The following DYSF variants were observed in gnomAD, a reference collection of about 807,000 sequenced individuals.
DYSF encodes dystrophy-associated fer-1-like 1.
Under a neutral mutation model 274.9 loss-of-function variants are expected in DYSF, and 212 were observed. The ratio of observed to expected loss-of-function variants is 0.77; its 90% CI spans 0.69 to 0.86. The LOEUF is 0.86. Among genes scored for constraint, DYSF ranks in the 40% least tolerant of loss-of-function variants. The pLI is 0.00. For synonymous variants in DYSF, 1,091 were observed against 1,078.7 expected, an observed-to-expected ratio of 1.01 and a Z score of -0.22; for missense variants, 2,666 against 2,783.2, an observed-to-expected ratio of 0.96 and a Z score of 0.95.
At chr2:71,632,561 A>T (rs1461411072) in intron 41 of DYSF, among the ~76,000 whole-genome samples, 1 of 152,196 alleles carries the variant, frequency 6.6e-6, no homozygotes, top group African/African-American at 2.4e-5. Flanking sequence ...TGTTAAGCAA[A>T]ATTGTCTACA....
At chr2:71,474,769 G>T (rs558196081) in intron 1 of DYSF, among the ~76,000 whole-genome samples, 1 of 152,334 alleles carries the variant, frequency 6.6e-6, no homozygotes, top group South Asian at 2.1e-4. Context: ...AAGGTAGGAA[G>T]TGGAAAATGA....
Position 71,516,308 on chromosome 2 carries a change from G to A in DYSF, c.951+66G>A, listed in dbSNP as rs531410325. On this transcript the variant is annotated intron_variant, in intron 9 of 55. Coordinates refer to ENST00000410020, the MANE Select transcript of DYSF (RefSeq NM_001130987.2). ...TATGCACATAGGTGTCAGTGCACAC[G>A]CGTGTGTGTTTGTGCACGTGTGTGC... The A allele has an allele frequency of 2.1e-4, 313 of 1,482,752 alleles. 1 individual carries two copies. The South Asian group carries it at 3.1e-3, about 15-fold the overall frequency. The allele number at this position is 1,482,752 out of a possible 1,614,324, so 91.8% of individuals were successfully genotyped here. A position where few individuals can be genotyped will look rare whatever the true frequency, so the allele number is the denominator to read the frequency against.
At chr2:71,473,918 ATTTTTTT>A (rs10659171) in intron 1 of DYSF, among the ~76,000 whole-genome samples, 53 of 83,812 alleles carry the variant, frequency 6.3e-4, no homozygotes, top group Middle Eastern at 7.5e-3. Flanking sequence ...TTTCTGTATG[ATTTTTTT>A]TTTTTTTTTT....
chr2:71,457,685 C>G (rs187138178), intron 1 of DYSF, among the ~76,000 whole-genome samples: 1 of 152,328 alleles, frequency 6.6e-6, no homozygotes, highest in Admixed American at 6.5e-5. Flanking sequence ...GCCTCACCCT[C>G]TCTATATCTG....
chr2:71,601,561 C>T (rs1323138890), intron 35 of DYSF, 33 bp downstream of exon 35: 1 of 1,613,792 alleles, frequency 6.2e-7, no homozygotes, highest in African/African-American at 1.3e-5. Flanking sequence ...CTTCTTCAAA[C>T]TGATTGCCAG....
chr2:71,453,909 C>T, exon 1 of DYSF: 1 of 1,305,912 alleles, frequency 7.7e-7, no homozygotes, highest in South Asian at 1.2e-5. Flanking sequence ...CCCTCTCCAG[C>T]GAGGGGACCC....
At chr2:71,467,045 T>C in intron 1 of DYSF, 112 bp downstream of exon 1, 1 of 1,416,846 alleles carries the variant, frequency 7.1e-7, no homozygotes, top group Non-Finnish European at 9.5e-7. Flanking sequence ...GGCCACAGTT[T>C]CTCCCTTTGT....
chr2:71,658,994 C>T lies in DYSF; in HGVS notation c.4872C>T (p.Val1624=). The change falls in exon 44 of 56, where the codon GTC becomes GTT. Residue 1624 remains valine (V), a synonymous_variant. Coordinates refer to ENST00000410020, the MANE Select transcript of DYSF (RefSeq NM_001130987.2). ...PQECLVRIYI[V]RAFGLQPKDP... Reference sequence around the variant, plus strand: ...AGTGCTTGGTCCGTATCTACATTGTCCGAGCATTTGGCCTGCAGCCCAAGG... The same window carrying T: ...AGTGCTTGGTCCGTATCTACATTGTTCGAGCATTTGGCCTGCAGCCCAAGG... 1 of 1,614,188 alleles carries T rather than the reference C, an allele frequency of 6.2e-7. No homozygotes were observed. The highest frequency in any genetic ancestry group is 1.1e-5 in the South Asian group (1 of 91,078).
intron 3 of DYSF, among the ~76,000 whole-genome samples, chr2:71,483,841 T>C (rs1451679203): frequency 6.6e-6 from 1 of 151,982 alleles, no homozygotes; most frequent in African/African-American, 2.4e-5. Context: ...CTGAGCCCCA[T>C]GTGCCTCTCG....
At position 71,589,645 on chromosome 2, in the gene DYSF, G is replaced by A. The variant is rs990609369; in HGVS notation, c.3455G>A (p.Ser1152Asn). The A allele has an allele frequency of 1.2e-6, 2 of 1,614,150 alleles. No homozygotes were observed. Among genetic ancestry groups the A allele is most frequent in the Admixed American group, 1.7e-5 (1 of 60,026 alleles). The change falls in exon 31 of 56, where the codon AGC (serine) becomes AAC (asparagine). Residue 1152 changes from serine (S) to asparagine (N), a missense_variant. Coordinates refer to ENST00000410020, the MANE Select transcript of DYSF (RefSeq NM_001130987.2). Reference sequence around the variant, plus strand: ...GATTCCATGTCCGTCTCCACCTTGAGCTTCGGTGTGAACAGACCCACGATT... The same window carrying A: ...GATTCCATGTCCGTCTCCACCTTGAACTTCGGTGTGAACAGACCCACGATT... ...SEDSMSVSTL[S>N]FGVNRPTISC...
chr2:71,506,086 C>G (rs2085444222), intron 4 of DYSF, among the ~76,000 whole-genome samples: 1 of 152,184 alleles, frequency 6.6e-6, no homozygotes, highest in Non-Finnish European at 1.5e-5. Context: ...ACATATCAGG[C>G]CTGTCTTGTC....
At chr2:71,589,348 T>A (rs1429166232) in intron 30 of DYSF, among the ~76,000 whole-genome samples, 2 of 152,208 alleles carry the variant, frequency 1.3e-5, no homozygotes, top group African/African-American at 4.8e-5. Context: ...AAAATTCCGT[T>A]CTGACTCATC....
At chr2:71,482,708 G>T (rs1558969817) in intron 3 of DYSF, among the ~76,000 whole-genome samples, 1 of 152,132 alleles carries the variant, frequency 6.6e-6, no homozygotes, top group Non-Finnish European at 1.5e-5. Context: ...GCTGTGGGTG[G>T]ACTGGGAGAC....
upstream of DYSF, among the ~76,000 whole-genome samples, chr2:71,462,193 G>C (rs141181065): frequency 6.5e-3 from 995 of 152,338 alleles, 12 homozygotes; most frequent in African/African-American, 0.019. Flanking sequence ...AGCAAGGGGT[G>C]TGTGAGTGAG....
At chr2:71,636,825 G>A (rs2094410935) in intron 41 of DYSF, among the ~76,000 whole-genome samples, 1 of 152,172 alleles carries the variant, frequency 6.6e-6, no homozygotes, top group Non-Finnish European at 1.5e-5. Context: ...TGGGTGACAA[G>A]AAGGAGGCAG....
chr2:71,484,827 C>T (rs906295935), intron 3 of DYSF, among the ~76,000 whole-genome samples: 9 of 152,178 alleles, frequency 5.9e-5, no homozygotes, highest in Admixed American at 1.3e-4. Context: ...CTCAGGGTAA[C>T]GGTAAGTGAG....
chr2:71,551,789 C>T, intron 19 of DYSF, 69 bp downstream of exon 19: 1 of 1,316,880 alleles, frequency 7.6e-7, no homozygotes, highest in Non-Finnish European at 1.1e-6. Context: ...CTGGGACTGG[C>T]CTTGAGGTGT....
intron 17 of DYSF, chr2:71,549,471 TGG>T (rs1299458310): frequency 9.1e-6 from 13 of 1,424,756 alleles, no homozygotes; most frequent in Admixed American, 1.9e-5. Flanking sequence ...GCTGGAGGCA[TGG>T]GGTTTTTGAT....
chr2:71,599,112 C>G (rs114792872), intron 33 of DYSF, among the ~76,000 whole-genome samples: 2,283 of 152,306 alleles, frequency 0.015, 57 homozygotes, highest in African/African-American at 0.052. Flanking sequence ...GGCTGAGTGG[C>G]CCTTCACTTG....
Sources: gnomAD v4.1 joint callset for allele counts (sites outside exome capture counted in the v4.1 genomes callset) on GRCh38, gnomAD v4.1.1 for gene constraint, MANE v1.5 for transcripts, NCBI Gene and HGNC (gene_info 2026-07-23, HGNC 2026-07-21) for gene names.